The following C12orf42 variants were observed in gnomAD, a reference collection of about 807,000 sequenced individuals.
C12orf42 encodes uncharacterized protein C12orf42.
A neutral mutation model predicts 21.6 loss-of-function variants in C12orf42; 25 were observed. The observed-to-expected ratio is 1.16, with a 90% CI of 0.84 to 1.62. The LOEUF (loss-of-function observed/expected upper bound fraction) is 1.62. C12orf42 is among the 40% of genes most tolerant of loss of function. The pLI, the probability that C12orf42 is intolerant of heterozygous loss-of-function variation, is 0.00. For missense variants in C12orf42, 483 were observed against 459.3 expected (o/e 1.05, Z -0.47); for synonymous variants, 174 against 175.0 (o/e 0.99, Z 0.05).
the C12orf42 span, among the ~76,000 whole-genome samples, chr12:103,092,356 CG>C: frequency 2.0e-5 from 3 of 152,000 alleles, no homozygotes; most frequent in African/African-American, 7.3e-5. Flanking sequence ...TTAGTTTGCA[CG>C]GGGGGAAAAA....
intron 10 of C12orf42, chr12:103,262,534 A>G (rs978852343): frequency 2.0e-5 from 3 of 152,172 alleles, no homozygotes; most frequent in Non-Finnish European, 2.9e-5. Flanking sequence ...CAGTACTTTT[A>G]TTTTCTTCTT....
At chr12:103,090,017 G>A in the C12orf42 span, among the ~76,000 whole-genome samples, 571 of 152,288 alleles carry the variant, frequency 3.7e-3, 4 homozygotes, top group Middle Eastern at 6.8e-3. Flanking sequence ...AGAGCCAGCA[G>A]GGCAGCTCCT....
chr12:103,551,284 G>C, the C12orf42 span, among the ~76,000 whole-genome samples: 9 of 152,152 alleles, frequency 5.9e-5, no homozygotes, highest in Admixed American at 5.9e-4. Flanking sequence ...AAGCAGGCAA[G>C]TGTCTATTAC....
chr12:103,246,896 A>G (rs1268596764), intron 10 of C12orf42, among the ~76,000 whole-genome samples: 2 of 152,130 alleles, frequency 1.3e-5, no homozygotes, highest in Admixed American at 6.6e-5. Flanking sequence ...TGTGAAATTT[A>G]TCAGTCTATA....
the C12orf42 span, among the ~76,000 whole-genome samples, chr12:103,071,490 G>T: frequency 2.3e-4 from 35 of 152,108 alleles, no homozygotes; most frequent in Non-Finnish European, 2.1e-4. Flanking sequence ...ATATGATTCG[G>T]CTGTGTTCCC....
the C12orf42 span, among the ~76,000 whole-genome samples, chr12:103,220,687 G>A: frequency 8.2e-6 from 1 of 121,930 alleles, no homozygotes; most frequent in Non-Finnish European, 1.8e-5. Context: ...TGCTTTTGAC[G>A]AGTCGGCCTC....
intron 3 of C12orf42, among the ~76,000 whole-genome samples, chr12:103,398,646 C>A (rs1303786543): frequency 6.6e-6 from 1 of 151,978 alleles, no homozygotes; most frequent in African/African-American, 2.4e-5. Context: ...CTTAAACCTG[C>A]CCAAAGTTTA....
In C12orf42 at chr12:103,369,002, T is replaced by G. The variant is rs1277270113; in HGVS notation, c.148-4A>C. The G allele has an allele frequency of 6.5e-7, 1 of 1,533,992 alleles. No homozygotes were observed. Among genetic ancestry groups the G allele is most frequent in the African/African-American group, 1.4e-5 (1 of 72,954 alleles). On this transcript the variant is annotated splice_region_variant and splice_polypyrimidine_tract_variant and intron_variant, in intron 3 of 5. Transcript: ENST00000548883. ...TTCTTTCATAACAAGGGATGTGCTG[T>G]AAGATAGAGGAGAAAAATACACACA...
At chr12:103,435,797 G>A (rs1439327070) in intron 2 of C12orf42, among the ~76,000 whole-genome samples, 1 of 152,144 alleles carries the variant, frequency 6.6e-6, no homozygotes, top group Non-Finnish European at 1.5e-5. Context: ...AAAGTGATGG[G>A]GAGAATGGAA....
intron 2 of C12orf42, among the ~76,000 whole-genome samples, chr12:103,418,662 T>C (rs1308635430): frequency 6.6e-6 from 1 of 151,992 alleles, no homozygotes; most frequent in Non-Finnish European, 1.5e-5. Flanking sequence ...TTGTTGAAAA[T>C]AACAAGCCCC....
chr12:103,517,327 T>C, the C12orf42 span, among the ~76,000 whole-genome samples: 1 of 152,208 alleles, frequency 6.6e-6, no homozygotes, highest in Non-Finnish European at 1.5e-5. Flanking sequence ...ATATCCACAT[T>C]GTCCCTTCCA....
the C12orf42 span, among the ~76,000 whole-genome samples, chr12:103,219,592 T>C: frequency 6.6e-6 from 1 of 152,080 alleles, no homozygotes; most frequent in African/African-American, 2.4e-5. Flanking sequence ...CATCAAAAAG[T>C]GGGCAAAGGA....
At chr12:103,468,744 G>C (rs911318977) in intron 2 of C12orf42, among the ~76,000 whole-genome samples, 2 of 151,702 alleles carry the variant, frequency 1.3e-5, no homozygotes, top group African/African-American at 4.8e-5. Context: ...AAAACGGGTC[G>C]ATGAATTCAC....
the C12orf42 span, among the ~76,000 whole-genome samples, chr12:103,052,830 T>A: frequency 6.6e-6 from 1 of 152,044 alleles, no homozygotes; most frequent in East Asian, 1.9e-4. Flanking sequence ...ATTTGTTGTG[T>A]GTGGTTTGAA....
chr12:103,233,660 T>C (rs2033375590), downstream of C12orf42, among the ~76,000 whole-genome samples: 1 of 152,230 alleles, frequency 6.6e-6, no homozygotes. Flanking sequence ...TTGACTTTTA[T>C]ATATTAACCT....
At chr12:103,313,229 AACATAAACC>A (rs2039141837) in intron 4 of C12orf42, among the ~76,000 whole-genome samples, 1 of 152,246 alleles carries the variant, frequency 6.6e-6, no homozygotes, top group South Asian at 2.1e-4. Flanking sequence ...TCTAAAGTCC[AACATAAACC>A]TCAAATAGAT....
At chr12:103,502,498 G>T in the C12orf42 span, among the ~76,000 whole-genome samples, 1 of 151,840 alleles carries the variant, frequency 6.6e-6, no homozygotes, top group Non-Finnish European at 1.5e-5. Flanking sequence ...CACCTCCCGT[G>T]TGCCTGCCTT....
intron 10 of C12orf42, among the ~76,000 whole-genome samples, chr12:103,260,401 C>T (rs1300349481): frequency 6.6e-6 from 1 of 152,090 alleles, no homozygotes. Flanking sequence ...CAAGGCAAGT[C>T]GACTTGCCCA....
At chr12:103,485,258 G>T (rs1179250181) in intron 1 of C12orf42, among the ~76,000 whole-genome samples, 1 of 152,122 alleles carries the variant, frequency 6.6e-6, no homozygotes, top group African/African-American at 2.4e-5. Context: ...TTTGTGTCAG[G>T]TTTGTCAAAG....
Sources: allele counts gnomAD v4.1 joint callset (sites outside exome capture counted in the v4.1 genomes callset), GRCh38; gene constraint gnomAD v4.1.1; transcripts MANE v1.5; gene names NCBI Gene and HGNC (gene_info 2026-07-23, HGNC 2026-07-21).